The following MYLK variants were observed in gnomAD, a reference collection of about 807,000 sequenced individuals.
MYLK encodes the protein myosin light chain kinase.
A neutral mutation model predicts 203.4 loss-of-function variants in MYLK; 106 were observed. That is an observed-to-expected ratio of 0.52 (90% confidence interval 0.45 to 0.61). MYLK has a LOEUF of 0.61. MYLK is among the 20% of genes least tolerant of loss of function. The pLI is 0.00. For synonymous variants in MYLK, 867 were observed against 959.5 expected (o/e 0.90, Z 1.78); for missense variants, 2,072 against 2,442.3 (o/e 0.85, Z 3.20).
At chr3:123,837,475 A>C (rs1280572570) in intron 2 of MYLK, among the ~76,000 whole-genome samples, 1 of 147,710 alleles carries the variant, frequency 6.8e-6, no homozygotes, top group Non-Finnish European at 1.5e-5. Flanking sequence ...TTATATATAC[A>C]TATTATATAT....
rs556362443 is a variant in MYLK at position 123,758,812 on chromosome 3, TTTTC to T, written c.166-6278_166-6275del. ...GGAGCAGCCAAACAAAGATACAGAT[TTTTC>T]TTTCTTTCTTTCTTTCTTTTTTTTC... is the stretch of plus-strand genomic sequence containing the variant. On this transcript the variant is annotated intron_variant, in intron 4 of 33. Transcript: ENST00000360304. 5.3e-4 allele frequency among the ~76,000 whole-genome samples: 81 copies of T among 152,120 alleles called. No homozygotes were observed. In the East Asian group the frequency reaches 0.013, roughly 25 times the overall value.
chr3:123,649,295 C>G, intron 24 of MYLK, 101 bp from the exon 25 acceptor site: 2 of 1,480,294 alleles, frequency 1.4e-6, no homozygotes, highest in Non-Finnish European at 1.9e-6. Flanking sequence ...CCTCAGCCTC[C>G]CCAGGCAGAC....
chr3:123,861,157 A>AC (rs1349747594), intron 2 of MYLK, among the ~76,000 whole-genome samples: 74 of 151,682 alleles, frequency 4.9e-4, no homozygotes, highest in African/African-American at 1.7e-3. Flanking sequence ...CAAAAAAAAA[A>AC]AACTGATTGG....
At chr3:123,646,775 G>C (rs183801494) in intron 27 of MYLK, among the ~76,000 whole-genome samples, 5 of 152,334 alleles carry the variant, frequency 3.3e-5, no homozygotes, top group Admixed American at 3.3e-4. Context: ...GGACCAGAGA[G>C]AGGCTTCCAT....
At chr3:123,800,857 G>A (rs544284796) in intron 3 of MYLK, among the ~76,000 whole-genome samples, 25 of 152,006 alleles carry the variant, frequency 1.6e-4, no homozygotes, top group Non-Finnish European at 2.6e-4. Context: ...TTTGTCTCAG[G>A]GTGGGCCCCA....
At chr3:123,771,532 G>A (rs1040436055) in intron 4 of MYLK, among the ~76,000 whole-genome samples, 3 of 151,764 alleles carry the variant, frequency 2.0e-5, no homozygotes, top group Non-Finnish European at 4.4e-5. Flanking sequence ...GCTTTCCTTC[G>A]GCTTGTTCTA....
intron 2 of MYLK, among the ~76,000 whole-genome samples, chr3:123,869,042 C>G (rs1440240326): frequency 6.6e-6 from 1 of 152,056 alleles, no homozygotes; most frequent in Non-Finnish European, 1.5e-5. Flanking sequence ...TATGAGCTCT[C>G]CAGTAAAAGC....
chr3:123,679,816 C>T (rs565213599), intron 20 of MYLK, among the ~76,000 whole-genome samples: 9 of 152,156 alleles, frequency 5.9e-5, no homozygotes, highest in Admixed American at 2.6e-4. Context: ...GTGCCTTGTT[C>T]GGCTCTCTGG....
chr3:123,807,288 G>T (rs2065402053), intron 3 of MYLK, among the ~76,000 whole-genome samples: 1 of 152,064 alleles, frequency 6.6e-6, no homozygotes, highest in South Asian at 2.1e-4. Flanking sequence ...AGTCAGCTGG[G>T]TGTGGTGGCA....
chr3:123,741,251 C>T (rs1350887357), intron 5 of MYLK, among the ~76,000 whole-genome samples: 1 of 152,176 alleles, frequency 6.6e-6, no homozygotes, highest in African/African-American at 2.4e-5. Flanking sequence ...TGGCTATTTT[C>T]ATCAGCCACA....
chr3:123,853,908 T>C (rs1255671200), intron 2 of MYLK, among the ~76,000 whole-genome samples: 1 of 152,150 alleles, frequency 6.6e-6, no homozygotes, highest in Non-Finnish European at 1.5e-5. Flanking sequence ...CAATGTGACA[T>C]GCTTTGACTA....
intron 2 of MYLK, among the ~76,000 whole-genome samples, chr3:123,867,112 C>A (rs998365156): frequency 1.3e-5 from 2 of 152,126 alleles, no homozygotes; most frequent in African/African-American, 4.8e-5. Flanking sequence ...AGGCCAAGAA[C>A]AGAAGCAGCA....
intron 2 of MYLK, among the ~76,000 whole-genome samples, chr3:123,857,024 C>T (rs924471183): frequency 4.1e-4 from 62 of 152,278 alleles, no homozygotes; most frequent in African/African-American, 1.4e-3. Context: ...GACATTTATG[C>T]AGCCAAAAAA....
intron 4 of MYLK, among the ~76,000 whole-genome samples, chr3:123,755,319 T>C (rs901837062): frequency 2.0e-5 from 3 of 152,214 alleles, no homozygotes; most frequent in Admixed American, 6.5e-5. Flanking sequence ...ACTGGGGACA[T>C]TGCAAACGTT....
At chr3:123,626,052 C>T (rs2058131872) in intron 31 of MYLK, among the ~76,000 whole-genome samples, 1 of 152,070 alleles carries the variant, frequency 6.6e-6, no homozygotes, top group African/African-American at 2.4e-5. Flanking sequence ...TTTTCTCTGC[C>T]TCAATTTTGT....
At chr3:123,822,495 T>C (rs1187580623) in intron 3 of MYLK, among the ~76,000 whole-genome samples, 10 of 152,186 alleles carry the variant, frequency 6.6e-5, no homozygotes, top group South Asian at 2.1e-4. Flanking sequence ...GACTCCTCCA[T>C]CCTTCTTCAT....
At chr3:123,698,299 T>C (rs758280731) in intron 18 of MYLK, among the ~76,000 whole-genome samples, 3 of 152,130 alleles carry the variant, frequency 2.0e-5, no homozygotes, top group African/African-American at 4.8e-5. Context: ...TTAAGAATGA[T>C]GCGAACTGCA....
At position 123,663,978 on chromosome 3, in the gene MYLK, T is replaced by C. The variant is rs929386235; in HGVS notation, c.3985+127A>G. 127 of 1,393,790 alleles carry C rather than the reference T, an allele frequency of 9.1e-5. No homozygotes were observed. The African/African-American group carries it at 1.7e-3, about 19-fold the overall frequency. 86.3% of individuals were successfully genotyped at this position (1,393,790 alleles called of 1,614,324 possible). ...GCCGTGATCTTCTTTCTGTGGTGCC[T>C]TATAAATCAGGCACAGGAGTGGTGA... On this transcript the variant is annotated intron_variant, in intron 23 of 33. Transcript: ENST00000360304.
In MYLK at chr3:123,734,028, T is replaced by G. The variant is rs1267576944; in HGVS notation, c.968A>C (p.Glu323Ala). ...CGTTCTGGGCGAGTCCTTGCATGAC[T>G]CCAGCTTGGACTCCCTTGGGGGCTG... ...QPQPPRESKL[E>A]SCKDSPRTAP... The change falls in exon 10 of 34, where the codon GAG becomes GCG. Residue 323 changes from glutamate (E) to alanine (A), a missense_variant. By Grantham distance (107) the Glu-to-Ala change is moderately radical. Transcript: ENST00000360304. The G allele has an allele frequency of 6.2e-7, 1 of 1,614,188 alleles. No individual in the cohort carries two copies.
Sources: allele counts gnomAD v4.1 joint callset (sites outside exome capture counted in the v4.1 genomes callset), GRCh38; gene constraint gnomAD v4.1.1; transcripts MANE v1.5; gene names NCBI Gene and HGNC (gene_info 2026-07-23, HGNC 2026-07-21).